ANO3: variants seen among roughly 807,000 people sequenced by gnomAD.
The protein encoded by ANO3 is anoctamin 3.
A neutral mutation model predicts 144.8 loss-of-function variants in ANO3; 99 were observed. That is an observed-to-expected ratio of 0.68 (90% CI 0.58 to 0.81). ANO3 has a LOEUF of 0.81. Ranked by LOEUF, ANO3 falls within the 30% of genes least tolerant of loss-of-function variation. ANO3 has a pLI of 0.00. For missense variants in ANO3, 905 were observed against 1,202.2 expected (o/e 0.75, Z 3.66); for synonymous variants, 414 against 392.6 (o/e 1.05, Z -0.64).
intron 4 of ANO3, among the ~76,000 whole-genome samples, chr11:26,504,458 T>G (rs1465403079): frequency 2.0e-5 from 3 of 152,206 alleles, no homozygotes; most frequent in South Asian, 4.1e-4. Flanking sequence ...GTTAAAAAAT[T>G]TCTTACCTTC....
intron 14 of ANO3, among the ~76,000 whole-genome samples, chr11:26,589,235 C>G (rs181017101): frequency 7.2e-5 from 11 of 152,248 alleles, no homozygotes; most frequent in Non-Finnish European, 1.5e-4. Context: ...TGCCATATCT[C>G]TTTGTAAATG....
In ANO3 at chr11:26,438,901, A is replaced by G. The variant is rs549912285; in HGVS notation, c.47-3017A>G. Among the ~76,000 whole-genome samples, 17 of 152,312 alleles carry G rather than the reference A, an allele frequency of 1.1e-4. No individual in the cohort carries two copies. In the South Asian group the frequency reaches 3.1e-3, roughly 28 times the overall value. ...AAAGCAATCTTGAAAAGAGAGAACA[A>G]AAGTAAAGAACTCAGATTTTCTGGT... On this transcript the variant is annotated intron_variant, in intron 1 of 26. Coordinates refer to ENST00000256737, the MANE Select transcript of ANO3 (RefSeq NM_031418.4).
At chr11:26,514,017 A>G (rs1861767402) in intron 5 of ANO3, among the ~76,000 whole-genome samples, 1 of 152,166 alleles carries the variant, frequency 6.6e-6, no homozygotes, top group African/African-American at 2.4e-5. Context: ...GTATAGGCAT[A>G]GAATAATTTA....
At chr11:26,388,452 A>G (rs1856791095) in intron 1 of ANO3, among the ~76,000 whole-genome samples, 1 of 152,182 alleles carries the variant, frequency 6.6e-6, no homozygotes, top group African/African-American at 2.4e-5. Context: ...ATGAATTAAT[A>G]CAACTTTATT....
intron 1 of ANO3, among the ~76,000 whole-genome samples, chr11:26,200,775 AAT>A (rs1787419857): frequency 6.6e-6 from 1 of 152,142 alleles, no homozygotes; most frequent in Non-Finnish European, 1.5e-5. Flanking sequence ...TCCTCTTGGT[AAT>A]AGTGTTTCAT....
At chr11:26,249,670 T>C (rs1852882035) in intron 1 of ANO3, among the ~76,000 whole-genome samples, 1 of 152,052 alleles carries the variant, frequency 6.6e-6, no homozygotes, top group Admixed American at 6.6e-5. Context: ...ACAAACTCTG[T>C]TTATAAATTT....
intron 1 of ANO3, among the ~76,000 whole-genome samples, chr11:26,398,818 C>G (rs1265537658): frequency 1.3e-5 from 2 of 151,782 alleles, no homozygotes; most frequent in Admixed American, 1.3e-4. Flanking sequence ...ATGAAGCAGC[C>G]CAGGGAAGGA....
chr11:26,275,549 C>T (rs1424923393), intron 1 of ANO3, among the ~76,000 whole-genome samples: 1 of 152,102 alleles, frequency 6.6e-6, no homozygotes, highest in East Asian at 1.9e-4. Context: ...GATATTTCCC[C>T]CAAATGGAAA....
At position 26,463,136 on chromosome 11, in the gene ANO3, A is replaced by G; in HGVS notation, c.420A>G (p.Thr140=). 6.5e-7 allele frequency: 1 copy of G among 1,540,508 alleles called. No homozygotes were observed. Among genetic ancestry groups the G allele is most frequent in the South Asian group, 1.2e-5 (1 of 84,734 alleles). The part of the protein sequence containing the change: ...FVIKDKSEFK[T]KLSKNDMNYI... ...TCAAAGATAAATCTGAATTCAAGAC[A>G]AAATTATCTAAGGTAATGAGAACTA... The change falls in exon 4 of 27, where the codon ACA becomes ACG. Residue 140 remains threonine (T), a synonymous_variant. Transcript: ENST00000256737.
At chr11:26,647,272 T>C (rs190838585) in intron 23 of ANO3, among the ~76,000 whole-genome samples, 55 of 152,326 alleles carry the variant, frequency 3.6e-4, no homozygotes, top group Non-Finnish European at 6.8e-4. Flanking sequence ...TTTTTTTGTA[T>C]TTTTACTTTA....
At chr11:26,337,204 A>G (rs1295104252) in intron 1 of ANO3, among the ~76,000 whole-genome samples, 2 of 152,256 alleles carry the variant, frequency 1.3e-5, no homozygotes, top group Non-Finnish European at 2.9e-5. Context: ...AAAATCTTGC[A>G]TATATACCTC....
chr11:26,358,229 C>T (rs540032450), intron 1 of ANO3, among the ~76,000 whole-genome samples: 5 of 135,878 alleles, frequency 3.7e-5, no homozygotes, highest in Non-Finnish European at 7.6e-5. Context: ...TGGAGTGCAG[C>T]GGCGCCATCT....
At chr11:26,474,196 G>A in intron 4 of ANO3, 1 of 684,374 alleles carries the variant, frequency 1.5e-6, no homozygotes, top group Non-Finnish European at 1.8e-6. Context: ...CATATGTAGA[G>A]AAGCCAATTG....
At chr11:26,650,521 T>G (rs1853498598) in intron 24 of ANO3, among the ~76,000 whole-genome samples, 1 of 152,150 alleles carries the variant, frequency 6.6e-6, no homozygotes, top group Admixed American at 6.5e-5. Flanking sequence ...TCCCTAGTGA[T>G]CCAAAAATAT....
At chr11:26,535,571 CTTTTTTTTTTTTT>C (rs72278856) in intron 9 of ANO3, among the ~76,000 whole-genome samples, 1 of 58,610 alleles carries the variant, frequency 1.7e-5, no homozygotes, top group African/African-American at 7.5e-5. Context: ...AAGACAGCCA[CTTTTTTTTTTTTT>C]TTTTTTTTTT....
chr11:26,564,789 T>TTAAGTGTGCTTCACTTTC (rs748174773), intron 14 of ANO3, among the ~76,000 whole-genome samples: 1 of 99,706 alleles, frequency 1.0e-5, no homozygotes, highest in Admixed American at 1.2e-4. Context: ...ATATATAAGT[T>TTAAGTGTGCTTCACTTTC]CAGTTGTATA....
chr11:26,491,097 G>GT (rs543335816), intron 4 of ANO3, among the ~76,000 whole-genome samples: 6 of 152,082 alleles, frequency 3.9e-5, no homozygotes, highest in Non-Finnish European at 8.8e-5. Flanking sequence ...TAAAATTTGT[G>GT]TTTTATTGCT....
chr11:26,639,816 G>A (rs1853088355), intron 21 of ANO3, among the ~76,000 whole-genome samples: 1 of 152,130 alleles, frequency 6.6e-6, no homozygotes, highest in African/African-American at 2.4e-5. Flanking sequence ...GGTGTTGAAT[G>A]CTCACTTTCT....
At chr11:26,367,214 C>T (rs868720951) in intron 1 of ANO3, among the ~76,000 whole-genome samples, 11 of 152,346 alleles carry the variant, frequency 7.2e-5, no homozygotes, top group South Asian at 6.2e-4. Context: ...CTTTTTCTTT[C>T]TTTGCCACAT....
Sources: gnomAD v4.1 joint callset for allele counts (sites outside exome capture counted in the v4.1 genomes callset) on GRCh38, gnomAD v4.1.1 for gene constraint, MANE v1.5 for transcripts, NCBI Gene and HGNC (gene_info 2026-07-23, HGNC 2026-07-21) for gene names.